The following ASTN2 variants were observed in gnomAD, a reference collection of about 807,000 sequenced individuals.
The protein encoded by ASTN2 is astrotactin 2.
Under a neutral mutation model 139.8 loss-of-function variants are expected in ASTN2, and 54 were observed. The observed-to-expected ratio is 0.39, with a 90% CI of 0.31 to 0.48. ASTN2 has a LOEUF of 0.48. Among genes scored for constraint, ASTN2 ranks in the 20% least tolerant of loss-of-function variants. The pLI is 0.95. For missense variants in ASTN2, 1,565 were observed against 1,725.1 expected, an observed-to-expected ratio of 0.91 and a Z score of 1.64; for synonymous variants, 756 against 719.5, an observed-to-expected ratio of 1.05 and a Z score of -0.81.
At chr9:116,486,023 G>T (rs968313472) in intron 20 of ASTN2, among the ~76,000 whole-genome samples, 1 of 152,174 alleles carries the variant, frequency 6.6e-6, no homozygotes, top group African/African-American at 2.4e-5. Flanking sequence ...CCAAGCCAGG[G>T]TGTTTCTTGT....
intron 4 of ASTN2, among the ~76,000 whole-genome samples, chr9:117,096,958 C>T (rs1779747609): frequency 6.6e-6 from 1 of 152,114 alleles, no homozygotes; most frequent in African/African-American, 2.4e-5. Flanking sequence ...CAGCGGGAGG[C>T]CTTGGGTGCC....
intron 11 of ASTN2, among the ~76,000 whole-genome samples, chr9:116,854,919 T>A (rs1426831721): frequency 6.6e-6 from 1 of 152,040 alleles, no homozygotes; most frequent in Non-Finnish European, 1.5e-5. Flanking sequence ...CCCAAAGTGC[T>A]AGGATTACAG....
intron 2 of ASTN2, among the ~76,000 whole-genome samples, chr9:117,283,335 G>A (rs1452567593): frequency 6.6e-6 from 1 of 152,156 alleles, no homozygotes; most frequent in African/African-American, 2.4e-5. Context: ...GTTGAAGCAA[G>A]TCAAGACCAA....
intron 12 of ASTN2, among the ~76,000 whole-genome samples, chr9:116,816,925 G>T (rs1041936427): frequency 2.2e-5 from 1 of 46,042 alleles, no homozygotes; most frequent in Non-Finnish European, 5.6e-5. Flanking sequence ...ATAAATAGAC[G>T]AGGGAAAATG....
chr9:117,298,670 G>GTATATATATATGTGTATA (rs1554717043), intron 1 of ASTN2, among the ~76,000 whole-genome samples: 1 of 136,466 alleles, frequency 7.3e-6, no homozygotes, highest in East Asian at 2.1e-4. Context: ...ATATATATGT[G>GTATATATATATGTGTATA]TATATATATA....
At chr9:116,515,307 G>A (rs1850597412) in intron 19 of ASTN2, among the ~76,000 whole-genome samples, 1 of 152,162 alleles carries the variant, frequency 6.6e-6, no homozygotes, top group Non-Finnish European at 1.5e-5. Flanking sequence ...TCATTGTTTG[G>A]CAATGGTTGG....
intron 19 of ASTN2, among the ~76,000 whole-genome samples, chr9:116,503,329 G>A (rs1849969974): frequency 6.6e-6 from 1 of 152,148 alleles, no homozygotes; most frequent in Middle Eastern, 3.4e-3. Context: ...GGGGGGGAGA[G>A]TGAGAGGGTG....
intron 17 of ASTN2, among the ~76,000 whole-genome samples, chr9:116,643,732 C>G (rs1024360256): frequency 1.3e-5 from 2 of 152,176 alleles, no homozygotes; most frequent in Admixed American, 6.5e-5. Context: ...TTGTCTTCAT[C>G]ATCAAAAAAC....
At chr9:116,748,191 A>G (rs1203226208) in intron 13 of ASTN2, among the ~76,000 whole-genome samples, 1 of 152,224 alleles carries the variant, frequency 6.6e-6, no homozygotes, top group Admixed American at 6.5e-5. Flanking sequence ...TCCAGATGCT[A>G]TAAATGAGAT....
At chr9:116,605,278 T>A (rs992865682) in intron 19 of ASTN2, among the ~76,000 whole-genome samples, 6 of 152,110 alleles carry the variant, frequency 3.9e-5, no homozygotes, top group Non-Finnish European at 5.9e-5. Flanking sequence ...CTCCAGATGT[T>A]GCTGCCTTGT....
intron 19 of ASTN2, among the ~76,000 whole-genome samples, chr9:116,505,987 T>C (rs1053769737): frequency 6.6e-6 from 1 of 152,194 alleles, no homozygotes; most frequent in African/African-American, 2.4e-5. Context: ...GCCCCCAACC[T>C]CTATCCTCAT....
At chr9:116,513,295 A>G (rs915262395) in intron 19 of ASTN2, among the ~76,000 whole-genome samples, 6 of 152,178 alleles carry the variant, frequency 3.9e-5, no homozygotes, top group Non-Finnish European at 4.4e-5. Flanking sequence ...TCTGGGTGGA[A>G]AATTCTTTTA....
intron 2 of ASTN2, among the ~76,000 whole-genome samples, chr9:117,219,259 C>T (rs1223065901): frequency 6.6e-6 from 1 of 152,128 alleles, no homozygotes; most frequent in African/African-American, 2.4e-5. Flanking sequence ...TTAACAGCTT[C>T]CCACACCAGA....
At chr9:117,038,644 G>T (rs1440501799) in intron 6 of ASTN2, among the ~76,000 whole-genome samples, 1 of 152,050 alleles carries the variant, frequency 6.6e-6, no homozygotes, top group Non-Finnish European at 1.5e-5. Context: ...AGGGTAAAAA[G>T]TTCTAAAACT....
chr9:117,150,710 T>A (rs1830309209), intron 3 of ASTN2, among the ~76,000 whole-genome samples: 1 of 152,174 alleles, frequency 6.6e-6, no homozygotes, highest in African/African-American at 2.4e-5. Context: ...GCACATTTTT[T>A]AAGAGACAAG....
intron 1 of ASTN2, among the ~76,000 whole-genome samples, chr9:117,393,456 AAG>A (rs979312069): frequency 6.6e-6 from 1 of 152,182 alleles, no homozygotes; most frequent in African/African-American, 2.4e-5. Flanking sequence ...AAAGACAGAA[AAG>A]AGAAGAAATT....
intron 11 of ASTN2, among the ~76,000 whole-genome samples, chr9:116,840,825 C>T (rs1832223656): frequency 6.6e-6 from 1 of 150,596 alleles, no homozygotes; most frequent in African/African-American, 2.4e-5. Context: ...GTGATGGTGG[C>T]CGGGAAGAGG....
chr9:116,839,512 C>T (rs1437172335), intron 11 of ASTN2, among the ~76,000 whole-genome samples: 3 of 152,010 alleles, frequency 2.0e-5, no homozygotes, highest in African/African-American at 7.3e-5. Flanking sequence ...CAGAGTCTCG[C>T]TCTGTCACCC....
rs1389134251 is a variant in ASTN2, at chr9:116,556,156, TG to T, written c.3355+62167del. 2.0e-5 allele frequency among the ~76,000 whole-genome samples: 3 copies of T among 152,158 alleles called. No homozygotes were observed. In the South Asian group the frequency reaches 6.2e-4, roughly 31 times the overall value. On this transcript the variant is annotated intron_variant, in intron 19 of 22. Transcript: ENST00000313400. ...AAAGATAAAAATATGAATAAATAAT[TG>T]GAATGAAGCACGAGGAGTGCTCTGA...
Sources: allele counts gnomAD v4.1 joint callset (sites outside exome capture counted in the v4.1 genomes callset), GRCh38; gene constraint gnomAD v4.1.1; transcripts MANE v1.5; gene names NCBI Gene and HGNC (gene_info 2026-07-23, HGNC 2026-07-21).